The following CLDN12 variants were observed in gnomAD, a reference collection of about 807,000 sequenced individuals.
CLDN12 encodes claudin-12.
A neutral mutation model predicts 15.5 loss-of-function variants in CLDN12; 9 were observed. That is an observed-to-expected ratio of 0.58 (90% CI 0.35 to 1.02). The LOEUF is 1.02. Ranked by LOEUF, CLDN12 falls within the 50% of genes least tolerant of loss-of-function variation. CLDN12 has a pLI of 0.02. For synonymous variants in CLDN12, 140 were observed against 121.6 expected, an observed-to-expected ratio of 1.15 and a Z score of -1.00; for missense variants, 233 against 297.3, an observed-to-expected ratio of 0.78 and a Z score of 1.59.
rs1797053359 is a variant in CLDN12 at position 90,415,425 on chromosome 7, A to T, written c.*2014A>T. The T allele has an allele frequency of 6.0e-6, 1 of 166,956 alleles. No homozygotes were observed. The highest frequency in any genetic ancestry group is 1.5e-5 in the Non-Finnish European group (1 of 68,100). The allele number at this position is 166,956 out of a possible 1,614,324, so 10.3% of individuals were successfully genotyped here. A position where few individuals can be genotyped will look rare whatever the true frequency, so the allele number is the denominator to read the frequency against. On this transcript the variant is annotated 3_prime_UTR_variant, in exon 4 of 4. Transcript: ENST00000496677. ...TGTATAAACAATGTTAAATAAAGGT[A>T]GACTCAGTCTTTAAGATATTAGACA...
At position 90,413,621 on chromosome 7, in the gene CLDN12, G is replaced by A. The variant is rs1236327058; in HGVS notation, c.*210G>A. The A allele has an allele frequency of 1.5e-6, 2 of 1,326,118 alleles. No homozygotes were observed. Among genetic ancestry groups the A allele is most frequent in the Admixed American group, 3.7e-5 (1 of 27,318 alleles). 82.1% of individuals were successfully genotyped at this position (1,326,118 alleles called of 1,614,324 possible). A position where few individuals can be genotyped will look rare whatever the true frequency, so the allele number is the denominator to read the frequency against. The stretch of plus-strand genomic sequence containing the variant: ...TTTTTTAAATTTTGCTTCTTATACT[G>A]GAAGGAATTTTAGCCTTCATATTGA... On this transcript the variant is annotated 3_prime_UTR_variant, in exon 4 of 4. Coordinates refer to ENST00000496677, the MANE Select transcript of CLDN12 (RefSeq NM_001185072.3).
At position 90,413,636 on chromosome 7, in the gene CLDN12, C is replaced by G. The variant is rs1797017692; in HGVS notation, c.*225C>G. 3.8e-6 allele frequency: 5 copies of G among 1,303,954 alleles called. No individual in the cohort carries two copies. The South Asian group carries it at 1.0e-4, about 26-fold the overall frequency. The allele number at this position is 1,303,954 out of a possible 1,614,324, so 80.8% of individuals were successfully genotyped here. On this transcript the variant is annotated 3_prime_UTR_variant, in exon 4 of 4. Coordinates refer to ENST00000496677, the MANE Select transcript of CLDN12 (RefSeq NM_001185072.3). ...TTCTTATACTGGAAGGAATTTTAGC[C>G]TTCATATTGATATCTAATTAATTAT...
intron 2 of CLDN12, among the ~76,000 whole-genome samples, chr7:90,410,948 G>A (rs1015998719): frequency 6.6e-6 from 1 of 152,036 alleles, no homozygotes; most frequent in African/African-American, 2.4e-5. Flanking sequence ...AGTGAGCCAT[G>A]ATTGTGTCAT....
Position 90,414,393 on chromosome 7 carries a change from G to GC in CLDN12, c.*987dup, listed in dbSNP as rs947032141. The GC allele has an allele frequency of 1.0e-6, 1 of 999,862 alleles. No homozygotes were observed. Among genetic ancestry groups the GC allele is most frequent in the South Asian group, 4.7e-5 (1 of 21,274 alleles). The allele number at this position is 999,862 out of a possible 1,614,324, so 61.9% of individuals were successfully genotyped here. On this transcript the variant is annotated 3_prime_UTR_variant, in exon 4 of 4. Coordinates refer to ENST00000496677, the MANE Select transcript of CLDN12 (RefSeq NM_001185072.3). The stretch of plus-strand genomic sequence containing the variant: ...TTCATTCACCCTTGATTCATTTCTC[G>GC]CCCCCGTCACTGATTATTTCCTTGA...
Position 90,412,862 on chromosome 7 carries a change from C to T in CLDN12, c.186C>T (p.Asp62=), listed in dbSNP as rs17862175. ...TGLWVKCARY[D]GSSDCLMYDT... ...TGTGGGTGAAATGTGCCCGGTATGA[C>T]GGGAGCAGTGACTGCCTGATGTACG... Residue 62 remains aspartate (D), a synonymous_variant, in exon 4 of 4, where the codon GAC becomes GAT. Coordinates refer to ENST00000496677, the MANE Select transcript of CLDN12 (RefSeq NM_001185072.3). The T allele has an allele frequency of 0.024, 38,727 of 1,614,128 alleles. 588 individuals carry two copies. Among genetic ancestry groups the T allele is most frequent in the Non-Finnish European group, 0.028 (33,237 of 1,180,016 alleles).
Position 90,412,822 on chromosome 7 carries a change from C to G in CLDN12, c.146C>G (p.Thr49Ser), listed in dbSNP as rs1185916821. The change falls in exon 4 of 4, where the codon ACT (threonine) becomes AGT (serine). Residue 49 changes from threonine to serine, a missense_variant. By Grantham distance (58) the Thr-to-Ser change is moderately conservative (BLOSUM62 1). Coordinates refer to ENST00000496677, the MANE Select transcript of CLDN12 (RefSeq NM_001185072.3). ...ITFNRNEKNLTVYTGLWVKCA... is the reference protein window; with the variant it reads ...ITFNRNEKNLSVYTGLWVKCA... ...TTCAACAGAAACGAGAAGAACCTGA[C>G]TGTTTACACAGGCCTGTGGGTGAAA... 7 of 1,614,072 alleles carry G rather than the reference C, an allele frequency of 4.3e-6. No homozygotes were observed. In the African/African-American group the frequency reaches 6.7e-5, roughly 15 times the overall value.
chr7:90,414,460 A>T lies in CLDN12; in HGVS notation c.*1049A>T. The T allele has an allele frequency of 2.2e-6, 2 of 915,996 alleles. No homozygotes were observed. The highest frequency in any genetic ancestry group is 1.3e-6 in the Non-Finnish European group (1 of 753,292). 56.7% of individuals were successfully genotyped at this position (915,996 alleles called of 1,614,324 possible). ...AACACTTTAGTAGGTGCTATAGAGG[A>T]TACATGAAAAGTATGAGATCTGGTT... is the stretch of plus-strand genomic sequence containing the variant. On this transcript the variant is annotated 3_prime_UTR_variant, in exon 4 of 4. Transcript: ENST00000496677.
Position 90,412,635 on chromosome 7 carries a change from ACC to A in CLDN12, c.-33-5_-33-4del. The A allele has an allele frequency of 1.3e-6, 2 of 1,577,986 alleles. No individual in the cohort carries two copies. The highest frequency in any genetic ancestry group is 2.4e-5 in the South Asian group (2 of 83,928). On this transcript the variant is annotated splice_region_variant and splice_polypyrimidine_tract_variant and intron_variant, in intron 3 of 3. Coordinates refer to ENST00000496677, the MANE Select transcript of CLDN12 (RefSeq NM_001185072.3). ...CTCATGATTTGTCCTCTTGTGTGTC[ACC>A]CCCTAGTCTGACTGACAGTACTCCA... is the stretch of plus-strand genomic sequence containing the variant.
At chr7:90,410,865 C>T (rs1031659048) in intron 2 of CLDN12, among the ~76,000 whole-genome samples, 10 of 152,100 alleles carry the variant, frequency 6.6e-5, no homozygotes, top group East Asian at 3.9e-4. Context: ...AACATAGTGA[C>T]GTGTGCTTAT....
chr7:90,409,316 G>GGTTCAAGCGATTCTCCTGC (rs1342058111), intron 2 of CLDN12: 1 of 152,548 alleles, frequency 6.6e-6, no homozygotes, highest in African/African-American at 2.4e-5. Context: ...CCACCTCCTG[G>GGTTCAAGCGATTCTCCTGC]GTTCAAGCGA....
In CLDN12 at chr7:90,413,041, T is replaced by A. The variant is rs146056566; in HGVS notation, c.365T>A (p.Leu122Gln). Residue 122 changes from leucine to glutamine, a missense_variant, in exon 4 of 4, where the codon CTG (leucine) becomes CAG (glutamine). By Grantham distance (113) the Leu-to-Gln change is moderately radical. Transcript: ENST00000496677. ...AFRSSVPNIKLAKCLVNSAGC... is the reference protein window; with the variant it reads ...AFRSSVPNIKQAKCLVNSAGC... The stretch of plus-strand genomic sequence containing the variant: ...AGGTCCTCGGTGCCCAACATCAAAC[T>A]GGCCAAGTGTCTGGTCAATAGTGCA... The A allele has an allele frequency of 1.0e-4, 163 of 1,614,210 alleles. No homozygotes were observed. The highest frequency in any genetic ancestry group is 9.9e-4 in the Middle Eastern group (6 of 6,062).
At chr7:90,404,901 T>TA (rs1796804845) in intron 1 of CLDN12, among the ~76,000 whole-genome samples, 1 of 151,824 alleles carries the variant, frequency 6.6e-6, no homozygotes, top group Non-Finnish European at 1.5e-5. Flanking sequence ...TTTTTTTTTT[T>TA]TTATTATTTG....
At position 90,415,731 on chromosome 7, in the gene CLDN12, A is replaced by G. The variant is rs894169464; in HGVS notation, c.*2320A>G. ...GATACCTTTTTGTTGTTAAAAGCCT[A>G]TTATTGTTAAAGGCCTTTTATGGAA... On this transcript the variant is annotated 3_prime_UTR_variant, in exon 4 of 4. Transcript: ENST00000496677. 4.8e-5 allele frequency: 8 copies of G among 167,062 alleles called. No homozygotes were observed. Among genetic ancestry groups the G allele is most frequent in the Non-Finnish European group, 1.0e-4 (7 of 68,100 alleles). 10.3% of individuals were successfully genotyped at this position (167,062 alleles called of 1,614,324 possible).
rs1797003989 is a variant in CLDN12, at chr7:90,413,227, G to T, written c.551G>T (p.Gly184Val). ...TATGTCACTATTGCTAGTGCTGGGG[G>T]CCTGTTTATGACTTCCCTTATACTA... is the stretch of plus-strand genomic sequence containing the variant. Reference protein sequence around the residue: ...AVYVTIASAGGLFMTSLILFI... With the variant: ...AVYVTIASAGVLFMTSLILFI... Residue 184 changes from glycine to valine, a missense_variant, in exon 4 of 4, where the codon GGC (glycine) becomes GTC (valine). Gly to Val is a moderately radical substitution (Grantham distance 109, BLOSUM62 -3). Transcript: ENST00000496677. The T allele has an allele frequency of 6.2e-7, 1 of 1,614,120 alleles. No homozygotes were observed.
chr7:90,413,745 C>T lies in CLDN12; in HGVS notation c.*334C>T, dbSNP rs912147725. The T allele has an allele frequency of 4.8e-5, 50 of 1,043,752 alleles. No homozygotes were observed. The East Asian group carries it at 6.0e-4, about 13-fold the overall frequency. 64.7% of individuals were successfully genotyped at this position (1,043,752 alleles called of 1,614,324 possible). ...GATGGTTAGCAGAAGCTGTTGTATA[C>T]AATCTTCATGAAAATTTCAGTGTGT... On this transcript the variant is annotated 3_prime_UTR_variant, in exon 4 of 4. Coordinates refer to ENST00000496677, the MANE Select transcript of CLDN12 (RefSeq NM_001185072.3).
intron 2 of CLDN12, chr7:90,405,954 T>G (rs1796827724): frequency 6.6e-6 from 1 of 152,118 alleles, no homozygotes; most frequent in Non-Finnish European, 1.5e-5. Context: ...TTTTAAAAAA[T>G]TAGCCAGTTG....
Position 90,415,430 on chromosome 7 carries a change from C to T in CLDN12, c.*2019C>T, listed in dbSNP as rs970325178. 11 of 166,910 alleles carry T rather than the reference C, an allele frequency of 6.6e-5. No individual in the cohort carries two copies. Among genetic ancestry groups the T allele is most frequent in the African/African-American group, 2.7e-4 (11 of 41,462 alleles). 10.3% of individuals were successfully genotyped at this position (166,910 alleles called of 1,614,324 possible). A position where few individuals can be genotyped will look rare whatever the true frequency, so the allele number is the denominator to read the frequency against. ...AAACAATGTTAAATAAAGGTAGACT[C>T]AGTCTTTAAGATATTAGACAGTTTT... On this transcript the variant is annotated 3_prime_UTR_variant, in exon 4 of 4. Transcript: ENST00000496677.
intron 1 of CLDN12, among the ~76,000 whole-genome samples, chr7:90,404,823 C>A (rs1031041567): frequency 6.6e-6 from 1 of 151,594 alleles, no homozygotes; most frequent in African/African-American, 2.4e-5. Flanking sequence ...TCTATTTCTA[C>A]GTATTTTTCT....
intron 1 of CLDN12, among the ~76,000 whole-genome samples, chr7:90,404,288 T>G (rs192198470): frequency 2.7e-5 from 4 of 149,524 alleles, no homozygotes; most frequent in East Asian, 2.0e-4. Context: ...GGGGGAGGGG[T>G]TGGGGGGGAC....
Sources: allele counts gnomAD v4.1 joint callset (sites outside exome capture counted in the v4.1 genomes callset), GRCh38; gene constraint gnomAD v4.1.1; transcripts MANE v1.5; gene names NCBI Gene and HGNC (gene_info 2026-07-23, HGNC 2026-07-21).